The following EEA1 variants were observed in gnomAD, a reference collection of about 807,000 sequenced individuals.
The protein encoded by EEA1 is early endosome antigen 1, 162kD.
In EEA1, 111 loss-of-function variants were observed where a neutral mutation model predicts 209.2. The ratio of observed to expected loss-of-function variants is 0.53; its 90% confidence interval spans 0.45 to 0.62. The LOEUF is 0.62. EEA1 is among the 20% of genes least tolerant of loss of function. EEA1 has a pLI of 0.00. For missense variants in EEA1, 1,343 were observed against 1,530.8 expected (o/e 0.88, Z 2.05); for synonymous variants, 536 against 540.6 (o/e 0.99, Z 0.12).
intron 2 of EEA1, among the ~76,000 whole-genome samples, chr12:92,870,981 T>C (rs1878617484): frequency 1.3e-5 from 2 of 152,168 alleles, no homozygotes; most frequent in African/African-American, 2.4e-5. Flanking sequence ...AGTGCTAGGA[T>C]TACAGGCGTG....
At chr12:92,882,392 T>TCAC (rs1191222526) in intron 2 of EEA1, among the ~76,000 whole-genome samples, 1 of 151,908 alleles carries the variant, frequency 6.6e-6, no homozygotes, top group African/African-American at 2.4e-5. Context: ...CAGGCATGAG[T>TCAC]CACCGTACCT....
chr12:92,822,969 C>A (rs1299396970), intron 13 of EEA1, among the ~76,000 whole-genome samples: 1 of 152,086 alleles, frequency 6.6e-6, no homozygotes, highest in African/African-American at 2.4e-5. Context: ...GGAAGTCATT[C>A]CCCTTCTCCC....
intron 11 of EEA1, among the ~76,000 whole-genome samples, chr12:92,828,903 T>C (rs1284844631): frequency 1.3e-5 from 2 of 152,038 alleles, no homozygotes; most frequent in Non-Finnish European, 2.9e-5. Flanking sequence ...AACACAAAGA[T>C]TTCCTGATCA....
rs955355913 is a variant in EEA1 at position 92,910,604 on chromosome 12, G to A, written c.24+18439C>T. On this transcript the variant is annotated intron_variant, in intron 1 of 28. Transcript: ENST00000322349. ...TTTTTTTAGGTAGAACACCAAAGGC[G>A]CAATCCATGAAAGAAAGAATTAATA... Among the ~76,000 whole-genome samples, 19 of 152,082 alleles carry A rather than the reference G, an allele frequency of 1.2e-4. No homozygotes were observed. The East Asian group carries it at 1.7e-3, about 14-fold the overall frequency.
At chr12:92,852,440 C>T (rs1877673177) in intron 7 of EEA1, 144 bp from the exon 8 acceptor site, 1 of 485,602 alleles carries the variant, frequency 2.1e-6, no homozygotes, top group Admixed American at 4.1e-5. Context: ...TAAATTTATA[C>T]TTCTAATTAC....
intron 14 of EEA1, 116 bp from the exon 15 acceptor site, chr12:92,816,516 T>A (rs997923796): frequency 3.2e-5 from 29 of 913,332 alleles, no homozygotes; most frequent in Non-Finnish European, 4.4e-5. Flanking sequence ...TATCTCAAAA[T>A]TTTTCAAGTA....
intron 10 of EEA1, among the ~76,000 whole-genome samples, chr12:92,840,721 T>C (rs1877130453): frequency 1.3e-5 from 2 of 152,206 alleles, no homozygotes; most frequent in Non-Finnish European, 2.9e-5. Context: ...AAAGCTACAG[T>C]AATCAAAACA....
At chr12:92,869,288 C>T (rs1405520650) in intron 2 of EEA1, among the ~76,000 whole-genome samples, 1 of 152,106 alleles carries the variant, frequency 6.6e-6, no homozygotes, top group African/African-American at 2.4e-5. Context: ...AAATTTGTCA[C>T]CAACTTCCAA....
In EEA1 at chr12:92,886,120, G is replaced by A. The variant is rs80202380; in HGVS notation, c.117+5509C>T. 5.3e-3 allele frequency among the ~76,000 whole-genome samples: 791 copies of A among 148,940 alleles called. 6 individuals carry two copies. The highest frequency in any genetic ancestry group is 0.018 in the African/African-American group (743 of 40,714). Reference sequence around the variant, plus strand: ...AAATATAGAATAATCATATTTGAATGTTTTAATAAATAAAAGGGAAGCTTG... The same window carrying A: ...AAATATAGAATAATCATATTTGAATATTTTAATAAATAAAAGGGAAGCTTG... On this transcript the variant is annotated intron_variant, in intron 2 of 28. Coordinates refer to ENST00000322349, the MANE Select transcript of EEA1 (RefSeq NM_003566.4).
At chr12:92,778,285 T>C in intron 25 of EEA1, 106 bp from the exon 26 acceptor site, 1 of 808,088 alleles carries the variant, frequency 1.2e-6, no homozygotes, top group Admixed American at 2.6e-5. Flanking sequence ...TCTTCGGGAA[T>C]GGAGGCAGGA....
chr12:92,882,989 C>T (rs535790961), intron 2 of EEA1, among the ~76,000 whole-genome samples: 10 of 152,292 alleles, frequency 6.6e-5, no homozygotes, highest in Admixed American at 1.3e-4. Context: ...CTTTAAATCT[C>T]GAAACTGCTT....
intron 1 of EEA1, among the ~76,000 whole-genome samples, chr12:92,893,863 T>C (rs1342224492): frequency 1.3e-5 from 2 of 152,182 alleles, no homozygotes; most frequent in Admixed American, 6.5e-5. Flanking sequence ...CCTTTTTTTT[T>C]CCTCATGCAG....
chr12:92,788,268 A>T (rs1021885490), intron 21 of EEA1, among the ~76,000 whole-genome samples: 19 of 146,484 alleles, frequency 1.3e-4, no homozygotes, highest in Admixed American at 9.6e-4. Flanking sequence ...AAAGTAATTA[A>T]TTTTTTTTTT....
In EEA1 at chr12:92,779,261, G is replaced by A; in HGVS notation, c.3508C>T (p.Gln1170Ter). 1 of 1,607,724 alleles carries A rather than the reference G, an allele frequency of 6.2e-7. No individual in the cohort carries two copies. Among genetic ancestry groups the A allele is most frequent in the Non-Finnish European group, 8.5e-7 (1 of 1,178,296 alleles). Reference sequence around the variant, plus strand: ...TTTCCTTGAAGTTCTAATTTCTGCTGAATTAGAAGCTGTTTAGCATCTTTA... The same window carrying A: ...TTTCCTTGAAGTTCTAATTTCTGCTAAATTAGAAGCTGTTTAGCATCTTTA... ...NLKDAKQLLI[Q>*]QKLELQGKAD... Residue 1170 changes from glutamine to a stop codon, truncating the protein, a stop_gained, in exon 25 of 29, where the codon CAG (glutamine) becomes TAG (stop). Transcript: ENST00000322349. LOFTEE classifies it high-confidence loss of function.
intron 20 of EEA1, among the ~76,000 whole-genome samples, chr12:92,800,212 A>G (rs1015440730): frequency 1.3e-5 from 2 of 152,078 alleles, no homozygotes; most frequent in African/African-American, 4.8e-5. Flanking sequence ...ACAGAGCGAG[A>G]CTCTGTTTAA....
At chr12:92,863,310 G>C (rs1459379917) in intron 3 of EEA1, among the ~76,000 whole-genome samples, 1 of 152,200 alleles carries the variant, frequency 6.6e-6, no homozygotes, top group East Asian at 1.9e-4. Context: ...TTATCCAATA[G>C]AATGGCAGAA....
At chr12:92,853,833 T>G in intron 6 of EEA1, 82 bp downstream of exon 6, 1 of 1,241,858 alleles carries the variant, frequency 8.1e-7, no homozygotes, top group Non-Finnish European at 1.1e-6. Context: ...AAAATTCATT[T>G]GGCAGGCATC....
rs542902391 is a variant in EEA1, at chr12:92,809,244, A to G, written c.2200-88T>C. 3 of 1,068,336 alleles carry G rather than the reference A, an allele frequency of 2.8e-6. No individual in the cohort carries two copies. The African/African-American group carries it at 5.1e-5, about 18-fold the overall frequency. 66.2% of individuals were successfully genotyped at this position (1,068,336 alleles called of 1,614,324 possible). A position where few individuals can be genotyped will look rare whatever the true frequency, so the allele number is the denominator to read the frequency against. On this transcript the variant is annotated intron_variant, in intron 17 of 28. Coordinates refer to ENST00000322349, the MANE Select transcript of EEA1 (RefSeq NM_003566.4). ...TACTATAACATTTTTGTTTATATTC[A>G]AACAGGTGTGACATACAAAAAAAAA...
chr12:92,821,177 A>G (rs932635203), intron 13 of EEA1: 1 of 152,144 alleles, frequency 6.6e-6, no homozygotes, highest in Non-Finnish European at 1.5e-5. Flanking sequence ...TATCATCTTA[A>G]TTACTGGACC....
Sources: gnomAD v4.1 joint callset for allele counts (sites outside exome capture counted in the v4.1 genomes callset) on GRCh38, gnomAD v4.1.1 for gene constraint, MANE v1.5 for transcripts, NCBI Gene and HGNC (gene_info 2026-07-23, HGNC 2026-07-21) for gene names.